DPYD: variants seen among roughly 807,000 people sequenced by gnomAD.
DPYD encodes the protein dihydropyrimidine dehydrogenase.
DPYD carries 109 observed loss-of-function variants against 116.2 expected under a neutral mutation model. The ratio of observed to expected loss-of-function variants is 0.94; its 90% CI spans 0.80 to 1.10. The LOEUF (loss-of-function observed/expected upper bound fraction) is 1.10. Ranked by LOEUF, DPYD falls within the 50% of genes least tolerant of loss-of-function variation. DPYD has a pLI of 0.00. For missense variants in DPYD, 1,302 were observed against 1,254.5 expected, an observed-to-expected ratio of 1.04 and a Z score of -0.57; for synonymous variants, 440 against 432.0, an observed-to-expected ratio of 1.02 and a Z score of -0.23.
chr1:97,227,326 T>C, intron 19 of DPYD, among the ~76,000 whole-genome samples: 1 of 57,412 alleles, frequency 1.7e-5, no homozygotes, highest in Non-Finnish European at 2.8e-5. Flanking sequence ...AGTGAGACTC[T>C]ATCTCAAAAA....
At chr1:97,858,198 A>C (rs1670942812) in intron 2 of DPYD, among the ~76,000 whole-genome samples, 1 of 152,140 alleles carries the variant, frequency 6.6e-6, no homozygotes, top group Admixed American at 6.5e-5. Context: ...GAAGCTTGAT[A>C]GGACTGGAAT....
intron 13 of DPYD, among the ~76,000 whole-genome samples, chr1:97,512,633 G>A (rs1467116813): frequency 6.6e-6 from 1 of 151,808 alleles, no homozygotes; most frequent in Non-Finnish European, 1.5e-5. Context: ...TGTGAACACA[G>A]GTCAAGGGGT....
chr1:97,844,127 A>G (rs1670172762), intron 2 of DPYD, among the ~76,000 whole-genome samples: 1 of 152,212 alleles, frequency 6.6e-6, no homozygotes, highest in African/African-American at 2.4e-5. Flanking sequence ...CTAAAATATG[A>G]TAATAAGGTA....
At chr1:97,796,371 T>C (rs928004769) in intron 3 of DPYD, among the ~76,000 whole-genome samples, 3 of 152,090 alleles carry the variant, frequency 2.0e-5, no homozygotes, top group Non-Finnish European at 4.4e-5. Flanking sequence ...ACACATGAAG[T>C]TAACATTCTA....
chr1:97,802,034 TA>T (rs1189230917), intron 3 of DPYD, among the ~76,000 whole-genome samples: 1 of 151,898 alleles, frequency 6.6e-6, no homozygotes. Context: ...ATTGAGCTTT[TA>T]CTTTGTAAAG....
At chr1:97,491,224 A>G (rs1214157861) in intron 13 of DPYD, among the ~76,000 whole-genome samples, 1 of 147,952 alleles carries the variant, frequency 6.8e-6, no homozygotes, top group Non-Finnish European at 1.5e-5. Context: ...ATATTTGTAT[A>G]TTATATACCA....
chr1:97,225,011 A>ATCTG (rs1209676618), intron 19 of DPYD, among the ~76,000 whole-genome samples: 2 of 63,260 alleles, frequency 3.2e-5, no homozygotes, highest in South Asian at 6.2e-4. Context: ...CTGTCTATCT[A>ATCTG]TCTATCTATC....
intron 20 of DPYD, among the ~76,000 whole-genome samples, chr1:97,166,781 A>G (rs1656357986): frequency 6.6e-6 from 1 of 152,150 alleles, no homozygotes; most frequent in Non-Finnish European, 1.5e-5. Flanking sequence ...TATGTGCCAG[A>G]AATTATATTT....
In DPYD at chr1:97,078,379, G is replaced by C. The variant is rs1408547185; in HGVS notation, c.*597C>G. 1 of 169,602 alleles carries C rather than the reference G, an allele frequency of 5.9e-6. No homozygotes were observed. The allele number at this position is 169,602 out of a possible 1,614,324, so 10.5% of individuals were successfully genotyped here. A position where few individuals can be genotyped will look rare whatever the true frequency, so the allele number is the denominator to read the frequency against. ...ATCCTCTATCCAACACCAAAAATAA[G>C]CAATTTCAGCGAAGGGGATTTTACT... is the stretch of plus-strand genomic sequence containing the variant. On this transcript the variant is annotated 3_prime_UTR_variant, in exon 23 of 23. Transcript: ENST00000370192.
At chr1:97,633,777 A>G (rs1039254543) in intron 8 of DPYD, among the ~76,000 whole-genome samples, 2 of 152,146 alleles carry the variant, frequency 1.3e-5, no homozygotes, top group African/African-American at 4.8e-5. Flanking sequence ...AGGGGGCATT[A>G]GGCTTCAAGG....
rs115443157 is a variant in DPYD, at chr1:97,197,024, A to T, written c.2443-3776T>A. ...GAATAGTAACAAGCCAAAACCAAAA[A>T]GCAGAAACAAAAACCCCTTCATTTT... On this transcript the variant is annotated intron_variant, in intron 19 of 22. Transcript: ENST00000370192. Among the ~76,000 whole-genome samples, 1,277 of 152,316 alleles carry T rather than the reference A, an allele frequency of 8.4e-3. 19 individuals are homozygous for T. Among genetic ancestry groups the T allele is most frequent in the African/African-American group, 0.029 (1,190 of 41,568 alleles).
intron 11 of DPYD, among the ~76,000 whole-genome samples, chr1:97,556,488 A>T (rs1271298454): frequency 7.7e-6 from 1 of 130,100 alleles, no homozygotes; most frequent in Non-Finnish European, 1.6e-5. Context: ...TATATCTCCC[A>T]ATGCTATCCC....
At chr1:97,898,122 G>T (rs533797458) in intron 1 of DPYD, among the ~76,000 whole-genome samples, 1 of 137,766 alleles carries the variant, frequency 7.3e-6, no homozygotes, top group South Asian at 2.4e-4. Flanking sequence ...ACCCAATGTC[G>T]TATGAATCAT....
At chr1:97,850,506 C>T (rs144211031) in intron 2 of DPYD, among the ~76,000 whole-genome samples, 2 of 152,030 alleles carry the variant, frequency 1.3e-5, no homozygotes, top group Non-Finnish European at 2.9e-5. Flanking sequence ...TTCAACAGTC[C>T]TTTTATCTCA....
intron 5 of DPYD, among the ~76,000 whole-genome samples, chr1:97,710,169 C>T (rs1662204322): frequency 6.6e-6 from 1 of 151,740 alleles, no homozygotes; most frequent in South Asian, 2.1e-4. Flanking sequence ...TTCTTTTGCT[C>T]GTTTCAGTTT....
intron 14 of DPYD, among the ~76,000 whole-genome samples, chr1:97,384,063 T>A (rs2101572643): frequency 6.6e-6 from 1 of 152,198 alleles, no homozygotes; most frequent in South Asian, 2.1e-4. Flanking sequence ...GAGGTATGAT[T>A]GCATTACTGC....
At chr1:97,804,402 C>T (rs1667984883) in intron 3 of DPYD, among the ~76,000 whole-genome samples, 2 of 151,684 alleles carry the variant, frequency 1.3e-5, no homozygotes, top group Admixed American at 6.6e-5. Flanking sequence ...AATTACTTCC[C>T]ATAATATAAA....
intron 3 of DPYD, among the ~76,000 whole-genome samples, chr1:97,755,324 T>C (rs1665170222): frequency 6.6e-6 from 1 of 152,188 alleles, no homozygotes; most frequent in Admixed American, 6.6e-5. Context: ...CCCCCAGCTG[T>C]GATGCCAGTG....
At chr1:97,224,140 G>T (rs1032634889) in intron 19 of DPYD, among the ~76,000 whole-genome samples, 6 of 151,988 alleles carry the variant, frequency 3.9e-5, no homozygotes, top group African/African-American at 1.4e-4. Flanking sequence ...AGACACTGAA[G>T]TTCACTTAAA....
Sources: gnomAD v4.1 joint callset for allele counts (sites outside exome capture counted in the v4.1 genomes callset) on GRCh38, gnomAD v4.1.1 for gene constraint, MANE v1.5 for transcripts, NCBI Gene and HGNC (gene_info 2026-07-23, HGNC 2026-07-21) for gene names.